Variants in PDE4B observed in about 807,000 individuals in gnomAD.
The protein encoded by PDE4B is phosphodiesterase 4B.
In PDE4B, 20 loss-of-function variants were observed where a neutral mutation model predicts 82.2. The ratio of observed to expected loss-of-function variants is 0.24; its 90% CI spans 0.17 to 0.35. PDE4B has a LOEUF of 0.35. Ranked by LOEUF, PDE4B falls within the 10% of genes least tolerant of loss-of-function variation. The probability of loss-of-function intolerance (pLI) is 1.00; values close to 1 mark genes in which losing one functional copy is unlikely to be tolerated. For missense variants in PDE4B, 655 were observed against 907.2 expected, an observed-to-expected ratio of 0.72 and a Z score of 3.57; for synonymous variants, 320 against 318.9, an observed-to-expected ratio of 1.00 and a Z score of -0.04.
intron 8 of PDE4B, chr1:66,354,826 T>G (rs1662110051): frequency 6.5e-7 from 1 of 1,535,542 alleles, no homozygotes; most frequent in Non-Finnish European, 8.7e-7. Context: ...TTGTGGATTG[T>G]GGCAAGGAGA....
At chr1:66,343,474 A>C (rs547487942) in intron 8 of PDE4B, among the ~76,000 whole-genome samples, 1 of 152,166 alleles carries the variant, frequency 6.6e-6, no homozygotes, top group African/African-American at 2.4e-5. Context: ...AACTTCCATA[A>C]CATTTTCAAA....
At chr1:65,900,956 G>A (rs572562156) in intron 1 of PDE4B, among the ~76,000 whole-genome samples, 2 of 151,974 alleles carry the variant, frequency 1.3e-5, no homozygotes, top group South Asian at 4.2e-4. Flanking sequence ...TCTTTCTTTT[G>A]CCTGATTGCT....
At chr1:65,959,119 C>A (rs1352672569) in intron 3 of PDE4B, among the ~76,000 whole-genome samples, 1 of 152,192 alleles carries the variant, frequency 6.6e-6, no homozygotes, top group South Asian at 2.1e-4. Flanking sequence ...ACATCTCTTT[C>A]AAATGGATAA....
intron 1 of PDE4B, among the ~76,000 whole-genome samples, chr1:65,829,896 A>G (rs1461751171): frequency 6.6e-6 from 1 of 152,206 alleles, no homozygotes; most frequent in African/African-American, 2.4e-5. Flanking sequence ...AAATAATTAT[A>G]GCTAAATGTG....
At chr1:66,023,561 C>A (rs751076313) in intron 3 of PDE4B, among the ~76,000 whole-genome samples, 3 of 152,066 alleles carry the variant, frequency 2.0e-5, no homozygotes, top group Non-Finnish European at 4.4e-5. Flanking sequence ...CAATAGCAGG[C>A]CCTATAGTAA....
At chr1:65,949,531 C>A (rs1648887345) in intron 3 of PDE4B, among the ~76,000 whole-genome samples, 1 of 152,116 alleles carries the variant, frequency 6.6e-6, no homozygotes, top group African/African-American at 2.4e-5. Context: ...TATAGCCTAT[C>A]TTCTCTTGAT....
At chr1:66,271,216 G>T (rs1484683828) in intron 7 of PDE4B, among the ~76,000 whole-genome samples, 1 of 152,128 alleles carries the variant, frequency 6.6e-6, no homozygotes, top group Non-Finnish European at 1.5e-5. Context: ...TGCTTATTAT[G>T]GTTATTTCAC....
chr1:66,121,041 G>A (rs1464403859), intron 3 of PDE4B, among the ~76,000 whole-genome samples: 2 of 152,048 alleles, frequency 1.3e-5, no homozygotes, highest in African/African-American at 4.8e-5. Context: ...AAATGTTTTT[G>A]TCCACTCTCT....
chr1:66,301,190 A>AT (rs35693683), intron 7 of PDE4B, among the ~76,000 whole-genome samples: 66,223 of 151,652 alleles, frequency 0.44, 16,375 homozygotes, highest in Non-Finnish European at 0.56. Context: ...AGAGAAGCAG[A>AT]TTTTTTTCTA....
chr1:66,152,633 TACAC>T (rs141660761), intron 3 of PDE4B: 50,466 of 143,218 alleles, frequency 0.35, 8,822 homozygotes, highest in Middle Eastern at 0.45. Context: ...TATATGTGTA[TACAC>T]ACACACACAC....
chr1:65,807,925 C>T lies in PDE4B; in HGVS notation c.-71+14677C>T, dbSNP rs377183159. ...GAACTCTGTGATTTAAGCCCTTTAG[C>T]CTTCATGGAGATCCTTTTTGTTACC... is the stretch of plus-strand genomic sequence containing the variant. On this transcript the variant is annotated intron_variant, in intron 1 of 16. Transcript: ENST00000341517. Among the ~76,000 whole-genome samples the T allele has an allele frequency of 5.9e-5, 9 of 152,240 alleles. No homozygotes were observed. The South Asian group carries it at 1.9e-3, about 32-fold the overall frequency.
At chr1:66,118,783 A>G (rs1160318087) in intron 3 of PDE4B, among the ~76,000 whole-genome samples, 1 of 152,094 alleles carries the variant, frequency 6.6e-6, no homozygotes, top group Non-Finnish European at 1.5e-5. Context: ...TTAATAATTG[A>G]GTAAGTACAG....
chr1:66,370,150 CAAAAAAAAAAAAAA>C (rs752920376), intron 16 of PDE4B, among the ~76,000 whole-genome samples: 4 of 28,654 alleles, frequency 1.4e-4, no homozygotes, highest in Non-Finnish European at 3.3e-4. Flanking sequence ...GACTCTATCT[CAAAAAAAAAAAAAA>C]AAAAAAAAAA....
intron 1 of PDE4B, among the ~76,000 whole-genome samples, chr1:65,841,677 A>G (rs147618174): frequency 5.5e-4 from 84 of 152,278 alleles, no homozygotes; most frequent in African/African-American, 1.3e-3. Flanking sequence ...CCAAACTTCA[A>G]TAGATTCTAA....
At chr1:66,052,929 CA>C (rs1481710619) in intron 3 of PDE4B, among the ~76,000 whole-genome samples, 1 of 151,868 alleles carries the variant, frequency 6.6e-6, no homozygotes, top group African/African-American at 2.4e-5. Context: ...CCCATGAGCA[CA>C]AAAAAAGTAT....
At chr1:66,029,566 T>C (rs950167092) in intron 3 of PDE4B, among the ~76,000 whole-genome samples, 1 of 152,156 alleles carries the variant, frequency 6.6e-6, no homozygotes, top group Non-Finnish European at 1.5e-5. Flanking sequence ...AGATGAAGAG[T>C]CTATTGACTC....
chr1:66,208,978 C>T lies in PDE4B; in HGVS notation c.282-38482C>T, dbSNP rs1308449022. On this transcript the variant is annotated intron_variant, in intron 3 of 16. Transcript: ENST00000341517. Reference sequence around the variant, plus strand: ...TGGCAGCAGACCAGGACTGTCTTGACTACAAAGAACATGTTCTAATACTGT... The same window carrying T: ...TGGCAGCAGACCAGGACTGTCTTGATTACAAAGAACATGTTCTAATACTGT... Among the ~76,000 whole-genome samples the T allele has an allele frequency of 3.9e-5, 6 of 152,288 alleles. No individual in the cohort carries two copies. The East Asian group carries it at 1.2e-3, about 29-fold the overall frequency.
At chr1:66,200,443 G>A (rs1648794600) in intron 3 of PDE4B, among the ~76,000 whole-genome samples, 1 of 152,094 alleles carries the variant, frequency 6.6e-6, no homozygotes, top group South Asian at 2.1e-4. Context: ...GGGCAGTATG[G>A]CCATTTTCAC....
At chr1:66,360,252 G>A (rs904764885) in intron 9 of PDE4B, among the ~76,000 whole-genome samples, 3 of 152,096 alleles carry the variant, frequency 2.0e-5, no homozygotes, top group South Asian at 2.1e-4. Flanking sequence ...TGGACACCTA[G>A]AGACAATACT....
Sources: allele counts gnomAD v4.1 joint callset (sites outside exome capture counted in the v4.1 genomes callset), GRCh38; gene constraint gnomAD v4.1.1; transcripts MANE v1.5; gene names NCBI Gene and HGNC (gene_info 2026-07-23, HGNC 2026-07-21).